Variants in CNOT1 observed in about 807,000 individuals in gnomAD.
The protein encoded by CNOT1 is CCR4-associated factor 1.
In CNOT1, 15 loss-of-function variants were observed where a neutral mutation model predicts 273.8. The ratio of observed to expected loss-of-function variants is 0.05; its 90% confidence interval spans 0.04 to 0.08. CNOT1 has a LOEUF of 0.08. CNOT1 is among the 10% of genes least tolerant of loss of function. The probability of loss-of-function intolerance (pLI) is 1.00; values close to 1 mark genes in which losing one functional copy is unlikely to be tolerated. For synonymous variants in CNOT1, 1,022 were observed against 1,005.5 expected (o/e 1.02, Z -0.31); for missense variants, 1,644 against 2,912.2 (o/e 0.56, Z 10.02).
chr16:58,601,326 T>C (rs1220849123), intron 1 of CNOT1, among the ~76,000 whole-genome samples: 3 of 152,162 alleles, frequency 2.0e-5, no homozygotes, highest in Admixed American at 2.0e-4. Context: ...TCTTAACTCC[T>C]GAGCTTGTGA....
chr16:58,559,691 C>T (rs1429407475), intron 17 of CNOT1: 1 of 396,178 alleles, frequency 2.5e-6, no homozygotes, highest in South Asian at 1.9e-5. Context: ...AACTTTTAGC[C>T]TCTTTCTTCC....
chr16:58,605,016 G>A (rs1461902496), intron 1 of CNOT1, among the ~76,000 whole-genome samples: 59 of 150,598 alleles, frequency 3.9e-4, no homozygotes, highest in Admixed American at 1.6e-3. Context: ...GGCGCCTGTA[G>A]TCCCAGCTGC....
At chr16:58,626,436 T>C (rs1471224258) in intron 1 of CNOT1, among the ~76,000 whole-genome samples, 1 of 125,762 alleles carries the variant, frequency 8.0e-6, no homozygotes, top group African/African-American at 2.9e-5. Context: ...AAAAAAGATA[T>C]ACCAAGTTCA....
rs565197648 is a variant in CNOT1, at chr16:58,543,367, T to C, written c.4434+240A>G. 214 of 1,546,880 alleles carry C rather than the reference T, an allele frequency of 1.4e-4. No individual in the cohort carries two copies. In the South Asian group the frequency reaches 2.5e-3, roughly 18 times the overall value. On this transcript the variant is annotated intron_variant, in intron 31 of 48. Transcript: ENST00000317147. ...TTAATTTATTTAAACCAACAAATAT[T>C]TGGGTATCTACTATCTGTCAAACAT...
chr16:58,604,916 C>T (rs1224067020), intron 1 of CNOT1, among the ~76,000 whole-genome samples: 1 of 150,666 alleles, frequency 6.6e-6, no homozygotes, highest in East Asian at 2.0e-4. Flanking sequence ...GCAGGTGGAT[C>T]ACAAGGTCAG....
intron 36 of CNOT1, 51 bp from the exon 37 acceptor site, chr16:58,538,317 A>G (rs1463914150): frequency 1.2e-6 from 1 of 842,592 alleles, no homozygotes; most frequent in Non-Finnish European, 2.1e-6. Context: ...ATACTGTAAA[A>G]GGGCCCATTT....
intron 18 of CNOT1, among the ~76,000 whole-genome samples, chr16:58,557,989 C>T (rs1292699027): frequency 1.3e-5 from 2 of 150,748 alleles, no homozygotes; most frequent in African/African-American, 4.8e-5. Flanking sequence ...AAACCCTGTC[C>T]CCCACTACCC....
chr16:58,612,988 TTAAC>T (rs1342071726), intron 1 of CNOT1, among the ~76,000 whole-genome samples: 1 of 152,152 alleles, frequency 6.6e-6, no homozygotes, highest in Non-Finnish European at 1.5e-5. Context: ...AAGGAATAGT[TTAAC>T]TTTCAGATAG....
chr16:58,580,319 C>T (rs1487499405), intron 12 of CNOT1, among the ~76,000 whole-genome samples: 1 of 145,042 alleles, frequency 6.9e-6, no homozygotes, highest in African/African-American at 2.5e-5. Context: ...AAAAAAAAGG[C>T]ATAAGCTCTA....
At chr16:58,556,309 A>G (rs566676529) in intron 19 of CNOT1, among the ~76,000 whole-genome samples, 2 of 152,362 alleles carry the variant, frequency 1.3e-5, no homozygotes, top group East Asian at 1.9e-4. Context: ...GCTACAAAAC[A>G]TAACATTCAG....
chr16:58,581,514 T>C lies in CNOT1; in HGVS notation c.1046A>G (p.Asn349Ser), dbSNP rs556362419. The C allele has an allele frequency of 5.6e-6, 9 of 1,610,394 alleles. No individual in the cohort carries two copies. In the Admixed American group the frequency reaches 1.4e-4, roughly 24 times the overall value. The change falls in exon 11 of 49, where the codon AAT (asparagine) becomes AGT (serine). Residue 349 changes from asparagine to serine, a missense_variant and splice_region_variant. Asn to Ser is a conservative substitution (Grantham distance 46). Transcript: ENST00000317147. Reference sequence around the variant, plus strand: ...TACTTCCTTGAAATTCAAACTTGGATTCTAAAAAAGACCAAAGCAGTTTAA... The same window carrying C: ...TACTTCCTTGAAATTCAAACTTGGACTCTAAAAAAGACCAAAGCAGTTTAA... ...EVLIDVLKELNPSLNFKEVTY... is the reference protein window; with the variant it reads ...EVLIDVLKELSPSLNFKEVTY...
At chr16:58,527,528 AAAAT>A (rs897564952) in intron 44 of CNOT1, among the ~76,000 whole-genome samples, 7 of 152,260 alleles carry the variant, frequency 4.6e-5, no homozygotes, top group South Asian at 2.1e-4. Context: ...CTCTGTCTCA[AAAAT>A]AAATAAATAA....
In CNOT1 at chr16:58,599,409, A is replaced by AGGCAGGTT; in HGVS notation, c.-80_-73dup. ...CATTATTCCCCTTTAGTCACCTCAGAGGCAGGTTAATGCTTTCTTTGTAAT... is the reference window on the plus strand; with the variant it reads ...CATTATTCCCCTTTAGTCACCTCAGAGGCAGGTTGGCAGGTTAATGCTTTCTTTGTAAT... On this transcript the variant is annotated 5_prime_UTR_variant, in exon 2 of 49. Coordinates refer to ENST00000317147, the MANE Select transcript of CNOT1 (RefSeq NM_016284.5). 1 of 1,593,106 alleles carries AGGCAGGTT rather than the reference A, an allele frequency of 6.3e-7. No individual in the cohort carries two copies. The highest frequency in any genetic ancestry group is 1.1e-5 in the South Asian group (1 of 90,462).
At chr16:58,542,613 A>G in intron 31 of CNOT1, 45 bp from the exon 32 acceptor site, 3 of 1,575,996 alleles carry the variant, frequency 1.9e-6, no homozygotes, top group Non-Finnish European at 2.6e-6. Context: ...TAGAAGGAAA[A>G]AGACTTGAAA....
At chr16:58,528,369 T>C (rs2151898501) in intron 44 of CNOT1, 106 bp downstream of exon 44, 2 of 787,446 alleles carry the variant, frequency 2.5e-6, no homozygotes, top group African/African-American at 1.7e-5. Context: ...CCTTAACTAA[T>C]AGTGTGCGTG....
At chr16:58,616,915 T>G (rs528526532) in intron 1 of CNOT1, among the ~76,000 whole-genome samples, 2 of 152,130 alleles carry the variant, frequency 1.3e-5, no homozygotes, top group East Asian at 1.9e-4. Context: ...AAATCTAAAG[T>G]GAACAAAATA....
chr16:58,583,292 ACAGG>A, intron 8 of CNOT1, 110 bp from the exon 9 acceptor site: 1 of 1,515,690 alleles, frequency 6.6e-7, no homozygotes, highest in South Asian at 1.3e-5. Flanking sequence ...ACTAAATAAA[ACAGG>A]CAGAGCAGTA....
At chr16:58,536,642 G>C (rs1192202962) in intron 39 of CNOT1, among the ~76,000 whole-genome samples, 1 of 151,606 alleles carries the variant, frequency 6.6e-6, no homozygotes, top group African/African-American at 2.4e-5. Flanking sequence ...TTTAATGTGG[G>C]CTACTGTGAG....
intron 35 of CNOT1, 100 bp downstream of exon 35, chr16:58,539,668 G>T: frequency 8.4e-7 from 1 of 1,195,026 alleles, no homozygotes; most frequent in Non-Finnish European, 1.1e-6. Context: ...TTTATATTAT[G>T]AAATCTTAAG....
Sources: allele counts gnomAD v4.1 joint callset (sites outside exome capture counted in the v4.1 genomes callset), GRCh38; gene constraint gnomAD v4.1.1; transcripts MANE v1.5; gene names NCBI Gene and HGNC (gene_info 2026-07-23, HGNC 2026-07-21).